Variants in SLMAP observed in about 807,000 individuals in gnomAD.
The protein encoded by SLMAP is sarcolemmal membrane-associated protein.
SLMAP carries 44 observed loss-of-function variants against 128.8 expected under a neutral mutation model. That is an observed-to-expected ratio of 0.34 (90% CI 0.27 to 0.44). SLMAP has a LOEUF of 0.44. Ranked by LOEUF, SLMAP falls within the 20% of genes least tolerant of loss-of-function variation. SLMAP has a pLI of 1.00. For missense variants in SLMAP, 787 were observed against 985.3 expected (o/e 0.80, Z 2.69); for synonymous variants, 327 against 348.8 (o/e 0.94, Z 0.70).
chr3:57,819,479 T>C (rs1450034560), intron 2 of SLMAP, among the ~76,000 whole-genome samples: 1 of 152,078 alleles, frequency 6.6e-6, no homozygotes, highest in East Asian at 1.9e-4. Flanking sequence ...TGTGGGCAGG[T>C]TTTTCCCCCC....
chr3:57,820,249 T>C (rs2092376067), intron 2 of SLMAP, among the ~76,000 whole-genome samples: 1 of 152,168 alleles, frequency 6.6e-6, no homozygotes, highest in South Asian at 2.1e-4. Context: ...AAATATGTAA[T>C]ATTTAAAATA....
intron 3 of SLMAP, among the ~76,000 whole-genome samples, chr3:57,834,042 A>T (rs1020244607): frequency 2.0e-5 from 3 of 152,226 alleles, no homozygotes; most frequent in Admixed American, 2.0e-4. Flanking sequence ...CCTGGATCAA[A>T]GAGGAAATCA....
chr3:57,812,795 T>C (rs565328793), intron 2 of SLMAP, among the ~76,000 whole-genome samples: 1 of 152,186 alleles, frequency 6.6e-6, no homozygotes, highest in Admixed American at 6.5e-5. Context: ...ATTCCTAAGT[T>C]AATTCATTAA....
intron 2 of SLMAP, among the ~76,000 whole-genome samples, chr3:57,775,476 C>G (rs1029775273): frequency 1.5e-5 from 2 of 131,946 alleles, no homozygotes; most frequent in African/African-American, 5.9e-5. Flanking sequence ...AATTCAAGAC[C>G]AGCCTGAGCA....
At chr3:57,760,163 C>T (rs547793846) in intron 2 of SLMAP, among the ~76,000 whole-genome samples, 72 of 152,178 alleles carry the variant, frequency 4.7e-4, no homozygotes, top group Non-Finnish European at 9.1e-4. Context: ...TGGTCTTGAA[C>T]GCCTGACCTC....
At chr3:57,893,125 T>C (rs2096136359) in intron 15 of SLMAP, among the ~76,000 whole-genome samples, 1 of 151,916 alleles carries the variant, frequency 6.6e-6, no homozygotes, top group Non-Finnish European at 1.5e-5. Flanking sequence ...TGCTTTCTTA[T>C]TCAGAGTAGA....
At chr3:57,917,521 T>G (rs756327545) in intron 22 of SLMAP, 1 of 175,672 alleles carries the variant, frequency 5.7e-6, no homozygotes, top group Non-Finnish European at 1.2e-5. Flanking sequence ...GCCAAACACA[T>G]GTTCTGTGGC....
Position 57,804,846 on chromosome 3 carries a change from C to T in SLMAP, c.199-26537C>T, listed in dbSNP as rs375805987. 1.0e-3 allele frequency among the ~76,000 whole-genome samples: 159 copies of T among 152,234 alleles called. 1 individual carries two copies. The highest frequency in any genetic ancestry group is 3.6e-3 in the African/African-American group (148 of 41,552). ...CTCCTATCACTGTAAATGATCTTCT[C>T]CTATAGGTAGGGATACATCTGTGTT... On this transcript the variant is annotated intron_variant, in intron 2 of 24. Coordinates refer to ENST00000671191, the MANE Select transcript of SLMAP (RefSeq NM_001377540.1).
At chr3:57,795,524 G>C (rs1443596419) in intron 2 of SLMAP, among the ~76,000 whole-genome samples, 1 of 152,176 alleles carries the variant, frequency 6.6e-6, no homozygotes, top group African/African-American at 2.4e-5. Flanking sequence ...GGGCAACAGA[G>C]AGAGACTGCG....
At position 57,862,037 on chromosome 3, in the gene SLMAP, A is replaced by G. The variant is rs756201416; in HGVS notation, c.917A>G (p.Lys306Arg). ...GAAGAATTAAGAGAATTAGCCAACA[A>G]ATATAATGGAGCAGTTAATGAGATT... is the stretch of plus-strand genomic sequence containing the variant. ...TQEELRELAN[K>R]YNGAVNEIKD... The change falls in exon 10 of 25, where the codon AAA (lysine) becomes AGA (arginine). Residue 306 changes from lysine to arginine, a missense_variant. This residue lies in a region of SLMAP where 715 missense variants were observed against 843.6 expected (regional missense o/e 0.85). Coordinates refer to ENST00000671191, the MANE Select transcript of SLMAP (RefSeq NM_001377540.1). 6.9e-6 allele frequency: 11 copies of G among 1,596,150 alleles called. No homozygotes were observed. Among genetic ancestry groups the G allele is most frequent in the Non-Finnish European group, 8.6e-6 (10 of 1,163,820 alleles).
intron 14 of SLMAP, among the ~76,000 whole-genome samples, chr3:57,884,457 G>C (rs2095828845): frequency 6.6e-6 from 1 of 152,154 alleles, no homozygotes. Flanking sequence ...TCCCCAGAAA[G>C]GCAGCTGCAG....
At chr3:57,803,411 C>A (rs971171814) in intron 2 of SLMAP, among the ~76,000 whole-genome samples, 1 of 152,116 alleles carries the variant, frequency 6.6e-6, no homozygotes, top group South Asian at 2.1e-4. Flanking sequence ...ACTAAATTAA[C>A]AAAATCAAAT....
intron 2 of SLMAP, among the ~76,000 whole-genome samples, chr3:57,827,097 T>A (rs925887018): frequency 1.8e-4 from 28 of 152,242 alleles, no homozygotes; most frequent in Non-Finnish European, 1.0e-4. Context: ...TATTCTGCAT[T>A]CATATCTTAA....
intron 13 of SLMAP, among the ~76,000 whole-genome samples, chr3:57,867,546 T>C (rs1400308637): frequency 6.6e-6 from 1 of 152,172 alleles, no homozygotes; most frequent in Non-Finnish European, 1.5e-5. Context: ...AGTTACGGTA[T>C]GATAGTGACT....
Position 57,831,433 on chromosome 3 carries a change from G to C in SLMAP, c.249G>C (p.Gln83His). ...GTAATGGTACTTTTATAAATAGCCA[G>C]AGATTGAGTCGAGGCTCTGAAGAAA... ...KSSNGTFINS[Q>H]RLSRGSEESP... The change falls in exon 3 of 25, where the codon CAG becomes CAC. Residue 83 changes from glutamine to histidine, a missense_variant. By Grantham distance (24) the Gln-to-His change is conservative. Coordinates refer to ENST00000671191, the MANE Select transcript of SLMAP (RefSeq NM_001377540.1). 1 of 1,591,246 alleles carries C rather than the reference G, an allele frequency of 6.3e-7. No homozygotes were observed. Among genetic ancestry groups the C allele is most frequent in the Non-Finnish European group, 8.6e-7 (1 of 1,168,324 alleles).
chr3:57,833,873 G>C (rs1367533534), intron 3 of SLMAP, among the ~76,000 whole-genome samples: 2 of 151,692 alleles, frequency 1.3e-5, no homozygotes, highest in South Asian at 2.1e-4. Context: ...TGTTAAGCAC[G>C]GGCTCTTGGG....
At chr3:57,856,074 A>C (rs1035522444) in intron 6 of SLMAP, among the ~76,000 whole-genome samples, 2 of 151,862 alleles carry the variant, frequency 1.3e-5, no homozygotes, top group Non-Finnish European at 1.5e-5. Context: ...TTAACTGGGC[A>C]TGGTGGTGTG....
At chr3:57,892,776 C>G (rs1350467590) in intron 15 of SLMAP, among the ~76,000 whole-genome samples, 1 of 147,408 alleles carries the variant, frequency 6.8e-6, no homozygotes, top group African/African-American at 2.5e-5. Context: ...AAGACACTGT[C>G]TCTTAAAACA....
chr3:57,856,222 T>C (rs2094780543), intron 6 of SLMAP, among the ~76,000 whole-genome samples: 1 of 151,886 alleles, frequency 6.6e-6, no homozygotes, highest in Admixed American at 6.6e-5. Context: ...GACTCTTGTC[T>C]CAAAAAAAGA....
Sources: allele counts gnomAD v4.1 joint callset (sites outside exome capture counted in the v4.1 genomes callset), GRCh38; gene constraint gnomAD v4.1.1; regional missense constraint gnomAD v4.1.1; transcripts MANE v1.5; gene names NCBI Gene and HGNC (gene_info 2026-07-23, HGNC 2026-07-21).